GRK1: variants seen among roughly 807,000 people sequenced by gnomAD.
GRK1 encodes G protein-coupled receptor kinase 1, also known as rhodopsin kinase GRK1.
A neutral mutation model predicts 41.7 loss-of-function variants in GRK1; 28 were observed. The ratio of observed to expected loss-of-function variants is 0.67; its 90% CI spans 0.50 to 0.92. GRK1 has a LOEUF of 0.92. Among genes scored for constraint, GRK1 ranks in the 40% least tolerant of loss-of-function variants. The probability of loss-of-function intolerance (pLI) is 0.00; values close to 1 mark genes in which losing one functional copy is unlikely to be tolerated. For missense variants in GRK1, 703 were observed against 671.2 expected, an observed-to-expected ratio of 1.05 and a Z score of -0.52; for synonymous variants, 327 against 286.7, an observed-to-expected ratio of 1.14 and a Z score of -1.42.
At chr13:113,652,435 C>T in the GRK1 span, among the ~76,000 whole-genome samples, 11 of 152,204 alleles carry the variant, frequency 7.2e-5, no homozygotes, top group African/African-American at 2.4e-4. Flanking sequence ...CCAGGACCTG[C>T]CCTGCTCGAG....
the GRK1 span, chr13:113,652,587 C>T: frequency 2.1e-6 from 1 of 483,786 alleles, no homozygotes; most frequent in East Asian, 4.1e-5. Flanking sequence ...GCATCTCTGG[C>T]TGCCCTGAAG....
the GRK1 span, chr13:113,649,662 C>T: frequency 5.5e-6 from 6 of 1,096,260 alleles, no homozygotes; most frequent in Non-Finnish European, 6.2e-6. The surrounding 1 kb of genome is among the most constrained non-coding windows in gnomAD (Gnocchi z 4.7). Context: ...AAGACTGGCC[C>T]TGACCGAGTG....
chr13:113,727,143 C>T lies in GRK1; in HGVS notation c.1069+3986C>T, dbSNP rs529445716. 5.1e-4 allele frequency among the ~76,000 whole-genome samples: 77 copies of T among 152,362 alleles called. No individual in the cohort carries two copies. The South Asian group carries it at 6.4e-3, about 13-fold the overall frequency. On this transcript the variant is annotated intron_variant, in intron 4 of 6. Transcript: ENST00000335678. ...CATAACTCACACAGGCCCCATGTGC[C>T]ACACAGAGCTGGCTCGGGGGCCAGG... is the stretch of plus-strand genomic sequence containing the variant.
At chr13:113,660,970 AGCATGGATACG>A in the GRK1 span, among the ~76,000 whole-genome samples, 1 of 152,242 alleles carries the variant, frequency 6.6e-6, no homozygotes, top group Non-Finnish European at 1.5e-5. Context: ...ATAGAAAATT[AGCATGGATACG>A]GAAGAACTCA....
intron 4 of GRK1, among the ~76,000 whole-genome samples, chr13:113,729,598 C>T (rs1250356736): frequency 6.6e-6 from 1 of 152,226 alleles, no homozygotes; most frequent in Non-Finnish European, 1.5e-5. Flanking sequence ...GCTGCCAGAG[C>T]CCTGAAGCTG....
chr13:113,734,945 C>T, intron 6 of GRK1, 123 bp from the exon 7 acceptor site: 1 of 1,006,196 alleles, frequency 9.9e-7, no homozygotes, highest in South Asian at 1.9e-5. Context: ...CGACACTTCC[C>T]TAAGGAAGAG....
upstream of GRK1, among the ~76,000 whole-genome samples, chr13:113,663,488 G>A (rs75961139): frequency 6.9e-3 from 1,055 of 152,260 alleles, 38 homozygotes; most frequent in East Asian, 0.097. Flanking sequence ...TAAAACTTCT[G>A]CTCTATGAAA....
chr13:113,733,870 CGT>C (rs756081118), intron 6 of GRK1, among the ~76,000 whole-genome samples: 9 of 89,934 alleles, frequency 1.0e-4, no homozygotes, highest in African/African-American at 1.7e-4. Flanking sequence ...TACGTGTGTG[CGT>C]GTGTGCATAC....
chr13:113,730,463 C>T (rs1273761950), intron 4 of GRK1, among the ~76,000 whole-genome samples: 2 of 151,196 alleles, frequency 1.3e-5, no homozygotes, highest in African/African-American at 4.9e-5. Flanking sequence ...AGGCAGTCTC[C>T]GCGGCTGCAC....
At position 113,731,119 on chromosome 13, in the gene GRK1, G is replaced by A. The variant is rs890598244; in HGVS notation, c.1070-100G>A. ...CAAATGTGGAGAGTGCTGAGGCCCC[G>A]GGGGGGATGCATCCCCAGAGCATCA... On this transcript the variant is annotated intron_variant, in intron 4 of 6. Coordinates refer to ENST00000335678, the MANE Select transcript of GRK1 (RefSeq NM_002929.3). This position sits in a 1 kb window ranked among gnomAD's most constrained non-coding sequence, Gnocchi z 5.6. The A allele has an allele frequency of 1.4e-5, 19 of 1,401,934 alleles. No individual in the cohort carries two copies. The highest frequency in any genetic ancestry group is 1.9e-4 in the Middle Eastern group (1 of 5,210). 86.8% of individuals were successfully genotyped at this position (1,401,934 alleles called of 1,614,324 possible).
chr13:113,666,452 G>GTGTTCCCCAGGTGTGTCCCAGC (rs2049819850), upstream of GRK1, among the ~76,000 whole-genome samples: 1 of 149,442 alleles, frequency 6.7e-6, no homozygotes, highest in Admixed American at 6.6e-5. Context: ...TGTGTCCCAG[G>GTGTTCCCCAGGTGTGTCCCAGC]TGTTCCCCAG....
At chr13:113,728,914 G>A (rs761028624) in intron 4 of GRK1, among the ~76,000 whole-genome samples, 6 of 152,160 alleles carry the variant, frequency 3.9e-5, no homozygotes, top group Non-Finnish European at 8.8e-5. Flanking sequence ...GCAAGCCTTA[G>A]CCAGAGGTGG....
In GRK1 at chr13:113,735,221, C is replaced by T. The variant is rs1027802903; in HGVS notation, c.1550C>T (p.Pro517Leu). The change falls in exon 7 of 7, where the codon CCC (proline) becomes CTC (leucine). Residue 517 changes from proline to leucine, a missense_variant. Pro to Leu is a moderately conservative substitution (Grantham distance 98, BLOSUM62 -3). Coordinates refer to ENST00000335678, the MANE Select transcript of GRK1 (RefSeq NM_002929.3). ...QEFATGNCPI[P>L]WQEEMIETGI... ...TTTGCCACTGGCAACTGCCCCATCC[C>T]CTGGCAGGAGGAGATGATCGAGACG... The T allele has an allele frequency of 6.5e-7, 1 of 1,537,214 alleles. No individual in the cohort carries two copies. The highest frequency in any genetic ancestry group is 8.7e-7 in the Non-Finnish European group (1 of 1,146,910).
In GRK1 at chr13:113,724,307, A is replaced by G. The variant is rs577398208; in HGVS notation, c.1069+1150A>G. On this transcript the variant is annotated intron_variant, in intron 4 of 6. Coordinates refer to ENST00000335678, the MANE Select transcript of GRK1 (RefSeq NM_002929.3). ...GTACAGCAGCCACACCGTGAATTTG[A>G]GTTCTTCCTCTCTCCTCCGCAGTCT... Among the ~76,000 whole-genome samples, 9 of 152,242 alleles carry G rather than the reference A, an allele frequency of 5.9e-5. 1 individual carries two copies. The South Asian group carries it at 1.9e-3, about 32-fold the overall frequency.
chr13:113,732,771 G>A, intron 5 of GRK1, 113 bp from the exon 6 acceptor site: 2 of 1,136,820 alleles, frequency 1.8e-6, no homozygotes. Flanking sequence ...AAGGCCTCAT[G>A]GGTCCCCCAC....
In GRK1 at chr13:113,669,688, G is replaced by A; in HGVS notation, c.701G>A (p.Gly234Asp). Residue 234 changes from glycine (G) to aspartate (D), a missense_variant and splice_region_variant, in exon 2 of 7, where the codon GGT (glycine) becomes GAT (aspartate). Coordinates refer to ENST00000335678, the MANE Select transcript of GRK1 (RefSeq NM_002929.3). The stretch of plus-strand genomic sequence containing the variant: ...CGTACTCAGCGTCTCACTTTTCAGG[G>A]TGCTATGGTGGAGAAGAAGATTCTG... Reference protein sequence around the residue: ...KRLKKRKGYQGAMVEKKILMK... With the variant: ...KRLKKRKGYQDAMVEKKILMK... 1.2e-6 allele frequency: 2 copies of A among 1,613,970 alleles called. No homozygotes were observed. The highest frequency in any genetic ancestry group is 1.7e-6 in the Non-Finnish European group (2 of 1,179,852).
At chr13:113,733,944 G>GCGCATA (rs1491362241) in intron 6 of GRK1, among the ~76,000 whole-genome samples, 1 of 117,272 alleles carries the variant, frequency 8.5e-6, no homozygotes, top group African/African-American at 4.3e-5. Flanking sequence ...ATACGTGTGT[G>GCGCATA]CGTGTGTGTG....
chr13:113,651,763 C>G, the GRK1 span: 1 of 1,607,554 alleles, frequency 6.2e-7, no homozygotes, highest in East Asian at 2.2e-5. Context: ...CCGCTCCCCA[C>G]CCCCACCGCC....
At chr13:113,733,594 T>C (rs542863257) in intron 6 of GRK1, among the ~76,000 whole-genome samples, 25 of 149,544 alleles carry the variant, frequency 1.7e-4, no homozygotes, top group East Asian at 1.2e-3. Flanking sequence ...TACGTGTGTG[T>C]GCATGTGTGC....
Sources: allele counts gnomAD v4.1 joint callset (sites outside exome capture counted in the v4.1 genomes callset), GRCh38; gene constraint gnomAD v4.1.1; non-coding constraint Gnocchi (gnomAD v3.1); transcripts MANE v1.5; gene names NCBI Gene and HGNC (gene_info 2026-07-23, HGNC 2026-07-21).